The following HMCN1 variants were observed in gnomAD, a reference collection of about 807,000 sequenced individuals.
The protein encoded by HMCN1 is hemicentin 1, also known as hemicentin-1.
Under a neutral mutation model 625.9 loss-of-function variants are expected in HMCN1, and 321 were observed. That is an observed-to-expected ratio of 0.51 (90% confidence interval 0.47 to 0.56). The LOEUF is 0.56. HMCN1 is among the 20% of genes least tolerant of loss of function. The pLI, the probability that HMCN1 is intolerant of heterozygous loss-of-function variation, is 0.00. For synonymous variants in HMCN1, 2,425 were observed against 2,417.6 expected (o/e 1.00, Z -0.09); for missense variants, 6,588 against 6,887.3 (o/e 0.96, Z 1.54).
intron 15 of HMCN1, among the ~76,000 whole-genome samples, chr1:185,972,375 G>A (rs530237089): frequency 5.0e-4 from 76 of 152,246 alleles, no homozygotes; most frequent in African/African-American, 1.8e-3. Context: ...CACCATATAA[G>A]GGTTCACACT....
intron 106 of HMCN1, among the ~76,000 whole-genome samples, chr1:186,188,669 C>T (rs1653511850): frequency 3.9e-5 from 6 of 152,120 alleles, no homozygotes; most frequent in Admixed American, 3.9e-4. Context: ...GTTTCTGAAA[C>T]CAAATACTGG....
At chr1:185,834,493 G>A (rs958912071) in intron 1 of HMCN1, among the ~76,000 whole-genome samples, 2 of 152,132 alleles carry the variant, frequency 1.3e-5, no homozygotes, top group Non-Finnish European at 2.9e-5. Context: ...TGTTATATGG[G>A]TCTCCATAGG....
chr1:185,836,802 A>G (rs1661197556), intron 1 of HMCN1, among the ~76,000 whole-genome samples: 1 of 151,654 alleles, frequency 6.6e-6, no homozygotes, highest in Non-Finnish European at 1.5e-5. Context: ...CTTCAAGTAG[A>G]CCTGGTGTCT....
In HMCN1 at chr1:186,057,331, C is replaced by G. The variant is rs1025584470; in HGVS notation, c.7242C>G (p.Pro2414=). The G allele has an allele frequency of 2.5e-6, 4 of 1,609,638 alleles. No homozygotes were observed. The highest frequency in any genetic ancestry group is 2.6e-6 in the Non-Finnish European group (3 of 1,176,470). The change falls in exon 46 of 107, where the codon CCC becomes CCG. Residue 2414 remains proline (P), a synonymous_variant. Transcript: ENST00000271588. ...TGACTTGTGAAGCTTCTGGAATTCC[C>G]CTGCCTTCCATAACCTGGTTCAAAG... ...VSLTCEASGI[P]LPSITWFKDG... is the part of the protein sequence containing the mutation.
intron 106 of HMCN1, among the ~76,000 whole-genome samples, chr1:186,188,623 A>G (rs889754147): frequency 6.6e-6 from 1 of 152,164 alleles, no homozygotes; most frequent in African/African-American, 2.4e-5. Context: ...ACAAGTGATA[A>G]TATTCCTCTT....
intron 29 of HMCN1, among the ~76,000 whole-genome samples, chr1:186,004,541 A>G (rs1653415509): frequency 6.6e-6 from 1 of 152,222 alleles, no homozygotes; most frequent in South Asian, 2.1e-4. Context: ...CTAAGGCAAT[A>G]AACATATTAA....
chr1:185,755,810 A>G (rs1467421697), intron 1 of HMCN1, among the ~76,000 whole-genome samples: 1 of 152,140 alleles, frequency 6.6e-6, no homozygotes, highest in Admixed American at 6.5e-5. Flanking sequence ...ATGGGAGTAA[A>G]GGGGCTACCT....
intron 1 of HMCN1, among the ~76,000 whole-genome samples, chr1:185,793,421 C>G (rs1402467026): frequency 6.6e-6 from 1 of 152,122 alleles, no homozygotes; most frequent in Non-Finnish European, 1.5e-5. Context: ...TCTTGCCTCC[C>G]TCTTGTAAGG....
Position 186,016,728 on chromosome 1 carries a change from A to G in HMCN1, c.5192-235A>G, listed in dbSNP as rs553616723. Among the ~76,000 whole-genome samples, 8 of 152,200 alleles carry G rather than the reference A, an allele frequency of 5.3e-5. No individual in the cohort carries two copies. In the East Asian group the frequency reaches 1.2e-3, roughly 22 times the overall value. ...ATCAACTTTATATTCACCTGGCATC[A>G]GTGGCACCATAGTACTAGATGGAGG... is the stretch of plus-strand genomic sequence containing the variant. On this transcript the variant is annotated intron_variant, in intron 32 of 106. Transcript: ENST00000271588.
intron 103 of HMCN1, among the ~76,000 whole-genome samples, chr1:186,175,981 A>G (rs1652551555): frequency 6.6e-6 from 1 of 152,042 alleles, no homozygotes. Flanking sequence ...ATTTTTACCT[A>G]CTAAAATAGT....
chr1:185,950,835 T>C (rs1668618062), intron 11 of HMCN1, among the ~76,000 whole-genome samples: 2 of 151,804 alleles, frequency 1.3e-5, no homozygotes, highest in African/African-American at 4.9e-5. Context: ...TAGGAGAGTA[T>C]ATGGGTTTGG....
rs1384986770 is a variant in HMCN1, at chr1:185,909,460, G to A, written c.745G>A (p.Val249Met). The change falls in exon 5 of 107, where the codon GTG becomes ATG. Residue 249 changes from valine to methionine, a missense_variant. Coordinates refer to ENST00000271588, the MANE Select transcript of HMCN1 (RefSeq NM_031935.3). ...PFDPSLKEVTVSLSGPSPMIE... is the reference protein window; with the variant it reads ...PFDPSLKEVTMSLSGPSPMIE... ...TGATCCCAGCCTGAAAGAGGTCACT[G>A]TGTCTTTGAGTGGGCCTTCTCCAAT... The A allele has an allele frequency of 4.3e-6, 7 of 1,613,610 alleles. No individual in the cohort carries two copies. The highest frequency in any genetic ancestry group is 5.9e-6 in the Non-Finnish European group (7 of 1,179,672).
chr1:186,039,560 G>T (rs1183709974), intron 38 of HMCN1, among the ~76,000 whole-genome samples, 168 bp from the exon 39 acceptor site: 1 of 152,080 alleles, frequency 6.6e-6, no homozygotes, highest in African/African-American at 2.4e-5. Flanking sequence ...TATCTCACAG[G>T]ATGGCTGTGA....
In HMCN1 at chr1:186,086,268, T is replaced by A. The variant is rs749463866; in HGVS notation, c.8907T>A (p.Pro2969=). 12 of 1,612,640 alleles carry A rather than the reference T, an allele frequency of 7.4e-6. No homozygotes were observed. The Admixed American group carries it at 1.2e-4, about 16-fold the overall frequency. Reference sequence around the variant, plus strand: ...TAGTTCCTCCAAGTGTCATTGGTCCTAAATCTGAAAATCTTACCGTCGTGG... The same window carrying A: ...TAGTTCCTCCAAGTGTCATTGGTCCAAAATCTGAAAATCTTACCGTCGTGG... ...NVHVPPSVIG[P]KSENLTVVVN... Residue 2969 remains proline (P), a synonymous_variant, in exon 58 of 107, where the codon CCT becomes CCA. Coordinates refer to ENST00000271588, the MANE Select transcript of HMCN1 (RefSeq NM_031935.3).
intron 36 of HMCN1, among the ~76,000 whole-genome samples, chr1:186,032,746 G>GA (rs74542819): frequency 0.031 from 782 of 25,396 alleles, 8 homozygotes; most frequent in Middle Eastern, 0.034. Context: ...TAAGTAAAAA[G>GA]AAAAAAAAAA....
chr1:186,065,890 T>G (rs1286867347), intron 49 of HMCN1, among the ~76,000 whole-genome samples: 1 of 152,206 alleles, frequency 6.6e-6, no homozygotes, highest in African/African-American at 2.4e-5. Context: ...TAAAATAGAT[T>G]TTTAACTTGT....
Position 186,055,495 on chromosome 1 carries a change from CA to C in HMCN1, c.6967del (p.Thr2323GlnfsTer2), listed in dbSNP as rs763230378. The C allele has an allele frequency of 6.2e-7, 1 of 1,612,876 alleles. No individual in the cohort carries two copies. The highest frequency in any genetic ancestry group is 8.5e-7 in the Non-Finnish European group (1 of 1,179,306). On this transcript the variant is annotated frameshift_variant, in exon 45 of 107. Transcript: ENST00000271588. LOFTEE classifies it high-confidence loss of function. ...LECEVQGIPP[P>X]TVTWMKDGHP... ...TGTGAGGTGCAGGGTATTCCACCAC[CA>C]ACAGTGACCTGGATGAAAGATGGCC...
chr1:186,087,928 T>C lies in HMCN1; in HGVS notation c.9364-4T>C. ...GCACATACAATAGTATCTTTTTCTT[T>C]TAGGTATCTGACACAGGCCAGTATG... On this transcript the variant is annotated splice_region_variant and splice_polypyrimidine_tract_variant and intron_variant, in intron 60 of 106. Coordinates refer to ENST00000271588, the MANE Select transcript of HMCN1 (RefSeq NM_031935.3). The C allele has an allele frequency of 6.2e-7, 1 of 1,610,994 alleles. No homozygotes were observed.
intron 36 of HMCN1, among the ~76,000 whole-genome samples, chr1:186,024,597 C>A (rs1410823921): frequency 3.3e-5 from 5 of 152,136 alleles, no homozygotes; most frequent in Non-Finnish European, 7.3e-5. Flanking sequence ...AAATTCTATG[C>A]TAAACATGAT....
Sources: gnomAD v4.1 joint callset for allele counts (sites outside exome capture counted in the v4.1 genomes callset) on GRCh38, gnomAD v4.1.1 for gene constraint, MANE v1.5 for transcripts, NCBI Gene and HGNC (gene_info 2026-07-23, HGNC 2026-07-21) for gene names.